Variants in VILL observed in about 807,000 individuals in gnomAD.
VILL encodes the protein villin-like protein.
VILL carries 102 observed loss-of-function variants against 106.3 expected under a neutral mutation model. That is an observed-to-expected ratio of 0.96 (90% confidence interval 0.82 to 1.13). VILL has a LOEUF of 1.13. VILL is among the 50% of genes most tolerant of loss of function. VILL has a pLI of 0.00. For missense variants in VILL, 1,076 were observed against 1,116.6 expected, an observed-to-expected ratio of 0.96 and a Z score of 0.52; for synonymous variants, 431 against 440.3, an observed-to-expected ratio of 0.98 and a Z score of 0.27.
chr3:37,995,934 G>T (rs1699692952), intron 5 of VILL, 87 bp downstream of exon 5: 1 of 1,087,748 alleles, frequency 9.2e-7, no homozygotes, highest in Non-Finnish European at 1.4e-6. Context: ...ATTGGCTGGG[G>T]TTGTGGGGAA....
At chr3:38,000,021 G>A (rs6806791) in intron 11 of VILL, among the ~76,000 whole-genome samples, 2,414 of 152,372 alleles carry the variant, frequency 0.016, 70 homozygotes, top group African/African-American at 0.055. Context: ...AGAGGGTGTG[G>A]TTGTATCTTG....
At position 37,998,820 on chromosome 3, in the gene VILL, AGCTCG is replaced by A; in HGVS notation, c.943-88_943-84del. 1 of 1,488,694 alleles carries A rather than the reference AGCTCG, an allele frequency of 6.7e-7. No homozygotes were observed. Among genetic ancestry groups the A allele is most frequent in the South Asian group, 1.3e-5 (1 of 74,956 alleles). 92.2% of individuals were successfully genotyped at this position (1,488,694 alleles called of 1,614,324 possible). A position where few individuals can be genotyped will look rare whatever the true frequency, so the allele number is the denominator to read the frequency against. On this transcript the variant is annotated intron_variant, in intron 9 of 19. Transcript: ENST00000383759. The surrounding 1 kb of genome is among the most constrained non-coding windows in gnomAD (Gnocchi z 4.1). ...AGCTCGGTTAATTAACGCTTCTTGGAGCTCGGCTGTCCCAGAGCGGTAGGTCCCCA... is the reference window on the plus strand; with the variant it reads ...AGCTCGGTTAATTAACGCTTCTTGGAGCTGTCCCAGAGCGGTAGGTCCCCA...
chr3:38,006,959 T>TGAC lies in VILL; in HGVS notation c.2476_2478dup (p.Asp826dup). The stretch of plus-strand genomic sequence containing the variant: ...CTGCCCAGTTCTATCTCTCAGACTC[T>TGAC]GACTTCCAAGATATCTTTGGGAAAT... On this transcript the variant is annotated inframe_insertion, in exon 20 of 20. Coordinates refer to ENST00000383759, the MANE Select transcript of VILL (RefSeq NM_015873.4). The TGAC allele has an allele frequency of 6.2e-7, 1 of 1,614,098 alleles. No individual in the cohort carries two copies. The highest frequency in any genetic ancestry group is 8.5e-7 in the Non-Finnish European group (1 of 1,179,972).
intron 16 of VILL, among the ~76,000 whole-genome samples, chr3:38,005,482 C>T (rs548024340): frequency 6.6e-6 from 1 of 152,266 alleles, no homozygotes; most frequent in Admixed American, 6.5e-5. Context: ...TGTTGACTCC[C>T]CAAAGCCTAG....
intron 11 of VILL, among the ~76,000 whole-genome samples, chr3:38,000,529 G>A (rs1699793850): frequency 6.6e-6 from 1 of 152,182 alleles, no homozygotes; most frequent in Non-Finnish European, 1.5e-5. Flanking sequence ...CAGACAGTGG[G>A]AGAGGGAGAC....
intron 4 of VILL, among the ~76,000 whole-genome samples, chr3:37,995,384 T>C (rs1699682354): frequency 6.6e-6 from 1 of 152,210 alleles, no homozygotes; most frequent in East Asian, 1.9e-4. Context: ...CATGTGTGAA[T>C]ATCCATGTTC....
Position 37,993,593 on chromosome 3 carries a change from A to C in VILL, c.-80A>C. 2 of 1,341,816 alleles carry C rather than the reference A, an allele frequency of 1.5e-6. No homozygotes were observed. The highest frequency in any genetic ancestry group is 1.2e-5 in the South Asian group (1 of 83,008). 83.1% of individuals were successfully genotyped at this position (1,341,816 alleles called of 1,614,324 possible). ...GTCATGTTCTATAATGAAGTTGTACAGGTAGCCAGGTGTCGGTCTCCAGCC... is the reference window on the plus strand; with the variant it reads ...GTCATGTTCTATAATGAAGTTGTACCGGTAGCCAGGTGTCGGTCTCCAGCC... On this transcript the variant is annotated 5_prime_UTR_variant, in exon 2 of 20. Transcript: ENST00000383759.
chr3:37,992,294 T>G (rs1301767630), intron 1 of VILL, among the ~76,000 whole-genome samples: 1 of 152,158 alleles, frequency 6.6e-6, no homozygotes, highest in Non-Finnish European at 1.5e-5. Flanking sequence ...CCACCACTGG[T>G]GGACATCCTG....
Position 37,994,711 on chromosome 3 carries a change from A to G in VILL, c.341+245A>G, listed in dbSNP as rs1254583153. ...ATTTTAGAACATTTTCATCACCCTAAAAAGAAGCCCCATACCCCTTTGCCA... is the reference window on the plus strand; with the variant it reads ...ATTTTAGAACATTTTCATCACCCTAGAAAGAAGCCCCATACCCCTTTGCCA... On this transcript the variant is annotated intron_variant, in intron 4 of 19. Coordinates refer to ENST00000383759, the MANE Select transcript of VILL (RefSeq NM_015873.4). 2.0e-5 allele frequency among the ~76,000 whole-genome samples: 3 copies of G among 152,310 alleles called. No homozygotes were observed. In the East Asian group the frequency reaches 5.8e-4, roughly 29 times the overall value.
Position 38,007,176 on chromosome 3 carries a change from G to C in VILL, c.*121G>C, listed in dbSNP as rs945249347. On this transcript the variant is annotated 3_prime_UTR_variant, in exon 20 of 20. Coordinates refer to ENST00000383759, the MANE Select transcript of VILL (RefSeq NM_015873.4). ...ATCCTCTGCGTGTCAGTAAAAGCAG[G>C]CAGCCCATACGAGCTGTGGTATGCG... 1.2e-6 allele frequency: 1 copy of C among 822,044 alleles called. No individual in the cohort carries two copies. Among genetic ancestry groups the C allele is most frequent in the African/African-American group, 1.7e-5 (1 of 58,378 alleles). The allele number at this position is 822,044 out of a possible 1,614,324, so 50.9% of individuals were successfully genotyped here.
rs539290364 is a variant in VILL at position 37,997,020 on chromosome 3, T to C, written c.451-57T>C. 3.3e-6 allele frequency: 5 copies of C among 1,502,622 alleles called. No individual in the cohort carries two copies. The highest frequency in any genetic ancestry group is 4.6e-6 in the Non-Finnish European group (5 of 1,080,774). 93.1% of individuals were successfully genotyped at this position (1,502,622 alleles called of 1,614,324 possible). A position where few individuals can be genotyped will look rare whatever the true frequency, so the allele number is the denominator to read the frequency against. ...CACACGTGACACATCCCAGCTATGC[T>C]CCCCTCTAGCGGATGCTGGTGGTAT... On this transcript the variant is annotated intron_variant, in intron 5 of 19. Coordinates refer to ENST00000383759, the MANE Select transcript of VILL (RefSeq NM_015873.4). This position sits in a 1 kb window ranked among gnomAD's most constrained non-coding sequence, Gnocchi z 4.7.
At chr3:38,004,925 A>T (rs1699887091) in intron 16 of VILL, among the ~76,000 whole-genome samples, 1 of 152,108 alleles carries the variant, frequency 6.6e-6, no homozygotes, top group African/African-American at 2.4e-5. Context: ...TGGGCGAATG[A>T]TGGATGGGTG....
chr3:38,002,064 A>AGGCC (rs1360017636), intron 13 of VILL: 44 of 842,474 alleles, frequency 5.2e-5, no homozygotes, highest in Admixed American at 2.4e-4. Context: ...CAGATGAGGA[A>AGGCC]TTTGAGTTGA....
At chr3:37,989,346 C>T (rs1056191015), upstream of VILL, among the ~76,000 whole-genome samples, 1 of 152,150 alleles carries the variant, frequency 6.6e-6, no homozygotes, top group Non-Finnish European at 1.5e-5. Context: ...GGAGTTGGGT[C>T]AGGGAGACAC....
rs1482788992 is a variant in VILL at position 37,998,040 on chromosome 3, C to G, written c.765-50C>G. On this transcript the variant is annotated intron_variant, in intron 7 of 19. Coordinates refer to ENST00000383759, the MANE Select transcript of VILL (RefSeq NM_015873.4). This position sits in a 1 kb window ranked among gnomAD's most constrained non-coding sequence, Gnocchi z 4.1. ...GTCCTAAATGGGGCTGGAGTGGAGA[C>G]AGATCAGGGAGGGGCTGGGCTGGCC... 2.6e-6 allele frequency: 4 copies of G among 1,535,536 alleles called. No individual in the cohort carries two copies. The highest frequency in any genetic ancestry group is 2.7e-6 in the Non-Finnish European group (3 of 1,130,798).
intron 10 of VILL, 140 bp from the exon 11 acceptor site, chr3:37,999,199 C>T (rs1008195913): frequency 1.5e-5 from 18 of 1,220,250 alleles, no homozygotes; most frequent in Middle Eastern, 2.9e-4. Context: ...AACAGAGCCT[C>T]AGGATGAGGA....
chr3:37,988,746 C>A (rs996014897), upstream of VILL, among the ~76,000 whole-genome samples: 7 of 152,148 alleles, frequency 4.6e-5, no homozygotes, highest in Non-Finnish European at 8.8e-5. Flanking sequence ...CCTGTAATCC[C>A]AGCTACTCAG....
rs376128113 is a variant in VILL at position 37,993,742 on chromosome 3, A to C, written c.60+10A>C. The C allele has an allele frequency of 1.9e-6, 3 of 1,613,900 alleles. No individual in the cohort carries two copies. The African/African-American group carries it at 4.0e-5, about 22-fold the overall frequency. On this transcript the variant is annotated intron_variant, in intron 2 of 19. Coordinates refer to ENST00000383759, the MANE Select transcript of VILL (RefSeq NM_015873.4). ...CATATGGATCTCTGAGGTGAGAGGC[A>C]CGACCAAATAGGAGAGTTGGTGACA...
At chr3:37,999,618 G>T (rs924900031) in intron 11 of VILL, among the ~76,000 whole-genome samples, 179 bp downstream of exon 11, 2 of 152,104 alleles carry the variant, frequency 1.3e-5, no homozygotes, top group African/African-American at 4.8e-5. Flanking sequence ...ACATAGTCAC[G>T]CCTAATCATA....
Sources: gnomAD v4.1 joint callset for allele counts (sites outside exome capture counted in the v4.1 genomes callset) on GRCh38, gnomAD v4.1.1 for gene constraint, Gnocchi (gnomAD v3.1) non-coding constraint, MANE v1.5 for transcripts, NCBI Gene and HGNC (gene_info 2026-07-23, HGNC 2026-07-21) for gene names.